RBFOX1: variants seen among roughly 807,000 people sequenced by gnomAD.
RBFOX1 encodes RNA binding protein fox-1 homolog 1.
A neutral mutation model predicts 57.7 loss-of-function variants in RBFOX1; 8 were observed. The ratio of observed to expected loss-of-function variants is 0.14; its 90% CI spans 0.08 to 0.25. The LOEUF (loss-of-function observed/expected upper bound fraction) is 0.25, where lower values mean the gene tolerates loss of function less well. Among genes scored for constraint, RBFOX1 ranks in the 10% least tolerant of loss-of-function variants. The pLI, the probability that RBFOX1 is intolerant of heterozygous loss-of-function variation, is 1.00. For missense variants in RBFOX1, 611 were observed against 548.5 expected (o/e 1.11, Z -1.14); for synonymous variants, 326 against 222.4 (o/e 1.47, Z -4.15).
chr16:6,213,986 G>A (rs192005092), intron 1 of RBFOX1, among the ~76,000 whole-genome samples: 4 of 152,292 alleles, frequency 2.6e-5, no homozygotes, highest in Admixed American at 1.3e-4. Flanking sequence ...TCTAGATATT[G>A]ACAAATGTCC....
At chr16:6,058,527 G>T (rs1327254819) in intron 1 of RBFOX1, among the ~76,000 whole-genome samples, 1 of 152,066 alleles carries the variant, frequency 6.6e-6, no homozygotes, top group Non-Finnish European at 1.5e-5. Flanking sequence ...AAAATATCGA[G>T]ATCCGTCTTA....
At chr16:6,307,235 G>C (rs891006415) in intron 1 of RBFOX1, among the ~76,000 whole-genome samples, 8 of 152,204 alleles carry the variant, frequency 5.3e-5, no homozygotes, top group African/African-American at 1.9e-4. Flanking sequence ...CCTAGTACAT[G>C]GTAAATACTT....
intron 2 of RBFOX1, among the ~76,000 whole-genome samples, chr16:5,540,983 G>C (rs138282718): frequency 6.6e-6 from 1 of 152,084 alleles, no homozygotes; most frequent in Non-Finnish European, 1.5e-5. Flanking sequence ...CTGAGTAGCT[G>C]GGACTACAAA....
chr16:6,137,783 A>C (rs758669868), intron 1 of RBFOX1, among the ~76,000 whole-genome samples: 2 of 151,580 alleles, frequency 1.3e-5, no homozygotes, highest in East Asian at 3.9e-4. Context: ...AATTTTTAAA[A>C]TTTTTTGTAG....
At position 5,556,278 on chromosome 16, in the gene RBFOX1, G is replaced by A. The variant is rs983334859; in HGVS notation, c.259-42624G>A. 7.2e-5 allele frequency among the ~76,000 whole-genome samples: 11 copies of A among 152,112 alleles called. 1 individual carries two copies. The highest frequency in any genetic ancestry group is 1.6e-4 in the Non-Finnish European group (11 of 68,022). On this transcript the variant is annotated intron_variant, in intron 2 of 2. Transcript: ENST00000585867. ...TCCAAGCTTGCCATCTGTAGAAAGC[G>A]CTATCAAAGGGATCTCAGTGTAAAC... is the stretch of plus-strand genomic sequence containing the variant.
At chr16:7,397,537 G>A (rs2098162546) in intron 4 of RBFOX1, among the ~76,000 whole-genome samples, 1 of 152,118 alleles carries the variant, frequency 6.6e-6, no homozygotes, top group Non-Finnish European at 1.5e-5. Context: ...AGAGCCTCCA[G>A]TTTTTTTCTG....
In RBFOX1 at chr16:7,056,273, C is replaced by A. The variant is rs192765702; in HGVS notation, c.27+4175C>A. On this transcript the variant is annotated intron_variant, in intron 4 of 15. Transcript: ENST00000550418. ...GATTACTTACATCGCTCGGTTGTTA[C>A]GCACACTACACAACAGGGAAACTTG... is the stretch of plus-strand genomic sequence containing the variant. 3.3e-5 allele frequency among the ~76,000 whole-genome samples: 5 copies of A among 152,282 alleles called. No individual in the cohort carries two copies. In the East Asian group the frequency reaches 7.7e-4, roughly 24 times the overall value.
intron 4 of RBFOX1, among the ~76,000 whole-genome samples, chr16:7,307,488 A>G (rs1371124383): frequency 1.3e-5 from 2 of 152,324 alleles, no homozygotes; most frequent in African/African-American, 2.4e-5. Context: ...TGAAGAAGCA[A>G]CTTTGATGTT....
chr16:7,642,109 A>C (rs1188377636), intron 11 of RBFOX1, among the ~76,000 whole-genome samples: 4 of 152,158 alleles, frequency 2.6e-5, no homozygotes, highest in Admixed American at 2.6e-4. Context: ...CCTGTCTCAA[A>C]AAATAAAGTT....
intron 4 of RBFOX1, among the ~76,000 whole-genome samples, chr16:7,288,514 C>G (rs2095695104): frequency 1.3e-5 from 2 of 152,164 alleles, no homozygotes; most frequent in Non-Finnish European, 2.9e-5. Context: ...GGCATAGTGT[C>G]TACACACAGT....
chr16:6,703,858 G>A (rs1202641754), intron 3 of RBFOX1: 2 of 152,268 alleles, frequency 1.3e-5, no homozygotes, highest in African/African-American at 2.4e-5. Context: ...CAGCAACTCT[G>A]AAAAGCAACT....
intron 1 of RBFOX1, among the ~76,000 whole-genome samples, chr16:6,133,929 ATTTC>A (rs1332987180): frequency 6.0e-5 from 9 of 151,134 alleles, no homozygotes; most frequent in African/African-American, 1.7e-4. Flanking sequence ...ATAATTTGTA[ATTTC>A]TTTCTTTTCT....
At chr16:6,483,904 A>C in intron 2 of RBFOX1, 1 of 1,136,298 alleles carries the variant, frequency 8.8e-7, no homozygotes, top group South Asian at 2.5e-5. Context: ...GCAGCGCGTG[A>C]ATGGGACGCG....
intron 2 of RBFOX1, among the ~76,000 whole-genome samples, chr16:6,523,903 T>C (rs1403320318): frequency 6.6e-6 from 1 of 152,202 alleles, no homozygotes; most frequent in Non-Finnish European, 1.5e-5. Context: ...TAGATACTTA[T>C]GGGATGCATG....
chr16:6,316,867 T>G (rs2081181606), intron 1 of RBFOX1, 128 bp from the exon 2 acceptor site: 3 of 620,144 alleles, frequency 4.8e-6, no homozygotes, highest in South Asian at 2.3e-5. Context: ...CCATCATTGC[T>G]GTTAAATTCA....
chr16:7,504,724 TA>T (rs1567552930), intron 4 of RBFOX1, among the ~76,000 whole-genome samples: 2,013 of 9,694 alleles, frequency 0.21, 118 homozygotes, highest in Non-Finnish European at 0.32. Context: ...TATATATATA[TA>T]TATATATATA....
At chr16:7,346,584 T>C (rs2097013402) in intron 4 of RBFOX1, among the ~76,000 whole-genome samples, 1 of 151,760 alleles carries the variant, frequency 6.6e-6, no homozygotes, top group Non-Finnish European at 1.5e-5. Flanking sequence ...GTTTACTCTA[T>C]AGAAGTCTCG....
chr16:6,831,724 G>A (rs577025355), intron 3 of RBFOX1, among the ~76,000 whole-genome samples: 2 of 152,206 alleles, frequency 1.3e-5, no homozygotes, highest in Admixed American at 6.5e-5. Context: ...CCATCTCTTG[G>A]GTTTGAGAAG....
intron 3 of RBFOX1, among the ~76,000 whole-genome samples, chr16:7,008,560 T>C (rs983135250): frequency 6.6e-6 from 1 of 151,698 alleles, no homozygotes; most frequent in African/African-American, 2.4e-5. Flanking sequence ...TAGAATTCAG[T>C]GAACAAGAGT....
Sources: gnomAD v4.1 joint callset for allele counts (sites outside exome capture counted in the v4.1 genomes callset) on GRCh38, gnomAD v4.1.1 for gene constraint, MANE v1.5 for transcripts, NCBI Gene and HGNC (gene_info 2026-07-23, HGNC 2026-07-21) for gene names.